The following SPTBN4 variants were observed in gnomAD, a reference collection of about 807,000 sequenced individuals.
SPTBN4 encodes spectrin beta, non-erythrocytic 4.
Under a neutral mutation model 277.8 loss-of-function variants are expected in SPTBN4, and 96 were observed. The observed-to-expected ratio is 0.35, with a 90% CI of 0.29 to 0.41. The LOEUF (loss-of-function observed/expected upper bound fraction) is 0.41. SPTBN4 is among the 10% of genes least tolerant of loss of function. The pLI is 1.00. For missense variants in SPTBN4, 3,006 were observed against 3,595.7 expected, an observed-to-expected ratio of 0.84 and a Z score of 4.19; for synonymous variants, 1,481 against 1,580.3, an observed-to-expected ratio of 0.94 and a Z score of 1.49.
chr19:40,554,464 T>TGGAGCCGGGGGCCGCC lies in SPTBN4; in HGVS notation c.4953+41_4954-35dup, dbSNP rs2080954498. On this transcript the variant is annotated intron_variant, in intron 23 of 35. Coordinates refer to ENST00000598249, the MANE Select transcript of SPTBN4 (RefSeq NM_020971.3). This position sits in a 1 kb window ranked among gnomAD's most constrained non-coding sequence, Gnocchi z 5.7. ...GGGGGTGCGGAGGGCCTGGGGGCGC[T>TGGAGCCGGGGGCCGCC]GGAGCCGGGGGCCGCCGCTGCCGCC... 1.3e-6 allele frequency: 2 copies of TGGAGCCGGGGGCCGCC among 1,499,470 alleles called. No homozygotes were observed. Among genetic ancestry groups the TGGAGCCGGGGGCCGCC allele is most frequent in the South Asian group, 2.6e-5 (2 of 76,590 alleles). 92.9% of individuals were successfully genotyped at this position (1,499,470 alleles called of 1,614,324 possible). A position where few individuals can be genotyped will look rare whatever the true frequency, so the allele number is the denominator to read the frequency against.
At chr19:40,557,615 G>T (rs1043135486) in intron 26 of SPTBN4, among the ~76,000 whole-genome samples, 6 of 152,174 alleles carry the variant, frequency 3.9e-5, no homozygotes, top group African/African-American at 1.4e-4. Context: ...AGGGAAAAGT[G>T]GTACCTTAGA....
At chr19:40,572,284 A>T (rs1389720743) in intron 34 of SPTBN4, 54 bp from the exon 35 acceptor site, 1 of 1,609,490 alleles carries the variant, frequency 6.2e-7, no homozygotes, top group East Asian at 2.2e-5. Context: ...CTTGGTGGGC[A>T]GGTGGGCTGG....
At chr19:40,572,724 C>G (rs1163157453) in intron 35 of SPTBN4, 2 of 231,374 alleles carry the variant, frequency 8.6e-6, no homozygotes, top group Non-Finnish European at 1.7e-5. Context: ...TTTGGGAGGC[C>G]AAGACGGGCA....
intron 13 of SPTBN4, among the ~76,000 whole-genome samples, chr19:40,512,320 C>T (rs1157842367): frequency 6.6e-6 from 1 of 152,150 alleles, no homozygotes; most frequent in Admixed American, 6.5e-5. Flanking sequence ...TGTGACAGAC[C>T]CAGGTCCTGC....
chr19:40,545,312 T>G (rs1599789491), intron 20 of SPTBN4, among the ~76,000 whole-genome samples: 1 of 151,954 alleles, frequency 6.6e-6, no homozygotes, highest in Non-Finnish European at 1.5e-5. Flanking sequence ...GCCAGGCTGG[T>G]CTCAAACTCC....
At chr19:40,569,872 C>CA (rs1169715208) in intron 32 of SPTBN4, 146 bp downstream of exon 32, 2 of 766,028 alleles carry the variant, frequency 2.6e-6, no homozygotes, top group African/African-American at 1.8e-5. Flanking sequence ...TCAGGGTCCC[C>CA]AGAATCTGAA....
chr19:40,472,891 G>A (rs377211506), intron 2 of SPTBN4, 101 bp downstream of exon 2: 1 of 1,205,338 alleles, frequency 8.3e-7, no homozygotes, highest in Non-Finnish European at 1.1e-6. Flanking sequence ...GACCAGCACT[G>A]TCCAATAGAA....
At chr19:40,539,407 G>A (rs1285397010) in intron 20 of SPTBN4, among the ~76,000 whole-genome samples, 1 of 152,252 alleles carries the variant, frequency 6.6e-6, no homozygotes, top group Non-Finnish European at 1.5e-5. Context: ...TGGGCTGCCT[G>A]GGTCAAGCCC....
intron 30 of SPTBN4, chr19:40,566,919 C>T (rs1044555384): frequency 1.2e-5 from 3 of 245,994 alleles, no homozygotes; most frequent in African/African-American, 4.6e-5. Flanking sequence ...GAGCCAAGAT[C>T]GTGCCACTGC....
intron 13 of SPTBN4, among the ~76,000 whole-genome samples, chr19:40,511,175 G>A (rs1209460988): frequency 6.6e-6 from 1 of 152,088 alleles, no homozygotes; most frequent in African/African-American, 2.4e-5. Flanking sequence ...GGAGGCTGAG[G>A]GGGGCGGATC....
At chr19:40,474,671 G>A (rs12980739) in intron 2 of SPTBN4, among the ~76,000 whole-genome samples, 26,372 of 151,802 alleles carry the variant, frequency 0.17, 2,748 homozygotes, top group African/African-American at 0.29. Context: ...AGGCTGAGGC[G>A]GATGGATCAC....
At chr19:40,556,401 T>A in intron 25 of SPTBN4, 113 bp downstream of exon 25, 2 of 948,296 alleles carry the variant, frequency 2.1e-6, no homozygotes, top group Non-Finnish European at 3.1e-6. Flanking sequence ...ATGGCTCTGC[T>A]GTGAGACAAA....
At chr19:40,549,452 G>A in intron 21 of SPTBN4, 39 bp downstream of exon 21, 1 of 1,211,664 alleles carries the variant, frequency 8.3e-7, no homozygotes. Flanking sequence ...GGCGGGGCGG[G>A]GCGGTGGGGC....
intron 17 of SPTBN4, chr19:40,524,683 A>G: frequency 2.2e-6 from 1 of 449,622 alleles, no homozygotes; most frequent in South Asian, 1.6e-5. Context: ...TGGTTGTCAA[A>G]TATTTTGCAT....
chr19:40,550,371 C>T (rs748058585), intron 22 of SPTBN4, 44 bp downstream of exon 22: 3 of 1,574,930 alleles, frequency 1.9e-6, no homozygotes, highest in Non-Finnish European at 2.6e-6. Flanking sequence ...CATTTGGATA[C>T]ATGTGATAGA....
intron 2 of SPTBN4, among the ~76,000 whole-genome samples, chr19:40,478,787 T>C (rs1190180608): frequency 1.3e-5 from 2 of 152,096 alleles, no homozygotes; most frequent in Admixed American, 1.3e-4. Flanking sequence ...CCTCAAGTGG[T>C]CCACCTGCCT....
intron 35 of SPTBN4, among the ~76,000 whole-genome samples, chr19:40,573,956 G>C (rs1159122376): frequency 6.6e-6 from 1 of 151,582 alleles, no homozygotes; most frequent in South Asian, 2.1e-4. Flanking sequence ...AAAAAAATTA[G>C]CTGGGCATGG....
At chr19:40,474,190 A>C (rs963003584) in intron 2 of SPTBN4, among the ~76,000 whole-genome samples, 1 of 150,442 alleles carries the variant, frequency 6.6e-6, no homozygotes, top group Non-Finnish European at 1.5e-5. Context: ...GAGCTTTGGA[A>C]ATGTGAAACG....
intron 31 of SPTBN4, 28 bp from the exon 32 acceptor site, chr19:40,569,629 C>T (rs2081130341): frequency 6.2e-7 from 1 of 1,610,492 alleles, no homozygotes; most frequent in East Asian, 2.2e-5. Context: ...CCTGGTTTCA[C>T]TGGGTCTTTC....
Sources: allele counts gnomAD v4.1 joint callset (sites outside exome capture counted in the v4.1 genomes callset), GRCh38; gene constraint gnomAD v4.1.1; non-coding constraint Gnocchi (gnomAD v3.1); transcripts MANE v1.5; gene names NCBI Gene and HGNC (gene_info 2026-07-23, HGNC 2026-07-21).